Variants in CDH10 observed in about 807,000 individuals in gnomAD.
CDH10 encodes cadherin 10.
A neutral mutation model predicts 73.1 loss-of-function variants in CDH10; 30 were observed. That is an observed-to-expected ratio of 0.41 (90% CI 0.31 to 0.56). The LOEUF (loss-of-function observed/expected upper bound fraction) is 0.56, where lower values mean the gene tolerates loss of function less well. Ranked by LOEUF, CDH10 falls within the 20% of genes least tolerant of loss-of-function variation. The pLI is 0.27. For synonymous variants in CDH10, 345 were observed against 348.2 expected (o/e 0.99, Z 0.10); for missense variants, 815 against 973.7 (o/e 0.84, Z 2.17).
chr5:24,587,340 T>C (rs529964205), intron 2 of CDH10, among the ~76,000 whole-genome samples: 1 of 152,316 alleles, frequency 6.6e-6, no homozygotes, highest in South Asian at 2.1e-4. Context: ...TCCCTCTCTT[T>C]CATTTACTTT....
intron 1 of CDH10, among the ~76,000 whole-genome samples, chr5:24,636,238 T>C (rs1747864217): frequency 6.6e-6 from 1 of 151,896 alleles, no homozygotes; most frequent in South Asian, 2.1e-4. Flanking sequence ...ATTTTACAGA[T>C]AGAAAAAACT....
intron 1 of CDH10, chr5:24,611,784 T>TA (rs1011815365): frequency 1.1e-4 from 17 of 152,104 alleles, no homozygotes; most frequent in African/African-American, 3.9e-4. Flanking sequence ...GATGGCAACT[T>TA]ACATCTTGCT....
At chr5:24,560,661 G>A (rs1458730708) in intron 2 of CDH10, among the ~76,000 whole-genome samples, 1 of 151,962 alleles carries the variant, frequency 6.6e-6, no homozygotes, top group Non-Finnish European at 1.5e-5. Context: ...AGGAGATTAT[G>A]TCATGTTTTC....
At chr5:24,558,463 T>C (rs1366295789) in intron 2 of CDH10, among the ~76,000 whole-genome samples, 1 of 151,770 alleles carries the variant, frequency 6.6e-6, no homozygotes, top group East Asian at 1.9e-4. Flanking sequence ...AAAATCTTTT[T>C]TAAAAATTGT....
chr5:24,563,238 A>T (rs968796243), intron 2 of CDH10, among the ~76,000 whole-genome samples: 1 of 152,080 alleles, frequency 6.6e-6, no homozygotes, highest in African/African-American at 2.4e-5. Flanking sequence ...ATCTACCTCA[A>T]TTTAGGTTTG....
chr5:24,537,362 C>A lies in CDH10; in HGVS notation c.526+18G>T, dbSNP rs771328294. 1 of 1,554,358 alleles carries A rather than the reference C, an allele frequency of 6.4e-7. No individual in the cohort carries two copies. The highest frequency in any genetic ancestry group is 1.2e-5 in the South Asian group (1 of 85,926). On this transcript the variant is annotated intron_variant, in intron 3 of 11. Coordinates refer to ENST00000264463, the MANE Select transcript of CDH10 (RefSeq NM_006727.5). ...AACACTTTTTGAATACCATCATAAA[C>A]GCTGTAAATGAACTTACCTACAACA...
chr5:24,507,815 T>C (rs543139885), intron 7 of CDH10, among the ~76,000 whole-genome samples: 2 of 152,184 alleles, frequency 1.3e-5, no homozygotes, highest in African/African-American at 4.8e-5. Context: ...GGTAAATGAA[T>C]TGGGGAAGAG....
chr5:24,605,904 T>TGGATG (rs1746745571), intron 1 of CDH10, among the ~76,000 whole-genome samples: 1 of 152,202 alleles, frequency 6.6e-6, no homozygotes, highest in African/African-American at 2.4e-5. Flanking sequence ...AATTGACACA[T>TGGATG]GGATGAATCA....
chr5:24,619,632 C>T (rs1380598309), intron 1 of CDH10, among the ~76,000 whole-genome samples: 3 of 152,076 alleles, frequency 2.0e-5, no homozygotes, highest in Non-Finnish European at 4.4e-5. Context: ...GGGCCAGATG[C>T]AAAATGCTGA....
At chr5:24,539,798 C>T (rs959704306) in intron 2 of CDH10, among the ~76,000 whole-genome samples, 6 of 152,012 alleles carry the variant, frequency 3.9e-5, no homozygotes, top group Admixed American at 3.3e-4. Context: ...AAGACTGATG[C>T]TTTACAGGAA....
chr5:24,525,437 G>A (rs997551127), intron 5 of CDH10, among the ~76,000 whole-genome samples: 22 of 151,916 alleles, frequency 1.4e-4, no homozygotes, highest in African/African-American at 4.6e-4. Context: ...CGATAATCTC[G>A]AACAATACTT....
chr5:24,637,837 GGT>G (rs765115260), intron 1 of CDH10, among the ~76,000 whole-genome samples: 8 of 151,648 alleles, frequency 5.3e-5, no homozygotes, highest in Non-Finnish European at 8.8e-5. Context: ...TTTCCCTAAG[GGT>G]GTTTCTGGAA....
In CDH10 at chr5:24,530,556, A is replaced by G. The variant is rs146281901; in HGVS notation, c.814+4556T>C. Among the ~76,000 whole-genome samples the G allele has an allele frequency of 5.4e-4, 82 of 152,164 alleles. No individual in the cohort carries two copies. The East Asian group carries it at 0.015, about 28-fold the overall frequency. On this transcript the variant is annotated intron_variant, in intron 5 of 11. Transcript: ENST00000264463. ...GATAGATTTAAAGTATGGAAGTATA[A>G]TATTTTTCTAACACTAGCAAAATGA...
At chr5:24,588,666 G>A (rs1393285276) in intron 2 of CDH10, among the ~76,000 whole-genome samples, 6 of 152,062 alleles carry the variant, frequency 3.9e-5, no homozygotes, top group Non-Finnish European at 5.9e-5. Flanking sequence ...AAAGTAAAAG[G>A]GACACAGTCT....
chr5:24,496,629 A>G (rs73065301), intron 9 of CDH10, among the ~76,000 whole-genome samples: 2,800 of 152,238 alleles, frequency 0.018, 74 homozygotes, highest in South Asian at 0.091. Context: ...TCTAAGTGCT[A>G]CTCTTAAAGA....
intron 1 of CDH10, among the ~76,000 whole-genome samples, chr5:24,625,627 ATATATATGTG>A (rs1052683520): frequency 5.4e-5 from 8 of 149,172 alleles, no homozygotes; most frequent in African/African-American, 2.0e-4. Context: ...ACAAATATGA[ATATATATGTG>A]TATATATATA....
chr5:24,496,977 A>T (rs181771979), intron 9 of CDH10, among the ~76,000 whole-genome samples: 31 of 152,300 alleles, frequency 2.0e-4, no homozygotes, highest in Admixed American at 7.8e-4. Flanking sequence ...TCAACAAAAA[A>T]TATTAATCAT....
intron 1 of CDH10, among the ~76,000 whole-genome samples, chr5:24,640,927 C>T (rs982025047): frequency 2.0e-5 from 3 of 151,850 alleles, no homozygotes; most frequent in African/African-American, 2.4e-5. Flanking sequence ...TGAGAAGTTG[C>T]ATTGATAAGA....
intron 8 of CDH10, among the ~76,000 whole-genome samples, chr5:24,500,340 G>T (rs923590308): frequency 1.3e-5 from 2 of 152,230 alleles, no homozygotes; most frequent in Admixed American, 6.5e-5. Flanking sequence ...CAGAATCGAA[G>T]TGTATTTATC....
Sources: allele counts gnomAD v4.1 joint callset (sites outside exome capture counted in the v4.1 genomes callset), GRCh38; gene constraint gnomAD v4.1.1; transcripts MANE v1.5; gene names NCBI Gene and HGNC (gene_info 2026-07-23, HGNC 2026-07-21).